The following KIF26B variants were observed in gnomAD, a reference collection of about 807,000 sequenced individuals.
KIF26B encodes the protein kinesin family member 26B.
A neutral mutation model predicts 151.2 loss-of-function variants in KIF26B; 63 were observed. The observed-to-expected ratio is 0.42, with a 90% CI of 0.34 to 0.51. The LOEUF (loss-of-function observed/expected upper bound fraction) is 0.51. Among genes scored for constraint, KIF26B ranks in the 20% least tolerant of loss-of-function variants. The pLI, the probability that KIF26B is intolerant of heterozygous loss-of-function variation, is 0.07. For synonymous variants in KIF26B, 1,357 were observed against 1,262.1 expected (o/e 1.08, Z -1.59); for missense variants, 2,813 against 2,913.6 (o/e 0.97, Z 0.79).
intron 4 of KIF26B, among the ~76,000 whole-genome samples, chr1:245,470,715 C>T (rs1016522944): frequency 6.6e-6 from 1 of 152,174 alleles, no homozygotes; most frequent in Non-Finnish European, 1.5e-5. Context: ...CAGGCGTGAG[C>T]CACCACGCCC....
chr1:245,436,684 C>T (rs1216847508), intron 4 of KIF26B, among the ~76,000 whole-genome samples: 1 of 152,122 alleles, frequency 6.6e-6, no homozygotes, highest in Non-Finnish European at 1.5e-5. Context: ...CTAGTAAATA[C>T]CTTCACAACA....
At chr1:245,585,235 G>A (rs1028512207) in intron 5 of KIF26B, among the ~76,000 whole-genome samples, 4 of 152,284 alleles carry the variant, frequency 2.6e-5, no homozygotes, top group Middle Eastern at 3.4e-3. Flanking sequence ...ACTATGCACC[G>A]TTCTTGGTAA....
intron 4 of KIF26B, among the ~76,000 whole-genome samples, chr1:245,475,479 A>G (rs1029731096): frequency 3.3e-5 from 5 of 151,786 alleles, no homozygotes; most frequent in African/African-American, 1.2e-4. Context: ...GGCGGGAAAA[A>G]AAATCATTGC....
intron 2 of KIF26B, among the ~76,000 whole-genome samples, chr1:245,361,445 G>A (rs981366916): frequency 2.6e-5 from 4 of 152,218 alleles, no homozygotes; most frequent in Admixed American, 2.0e-4. Context: ...ATGTCTTCAC[G>A]CCTTTACATT....
In KIF26B at chr1:245,218,745, G is replaced by A. The variant is rs896956533; in HGVS notation, c.465+62062G>A. ...AAATATACATGGTACCTTGCCGTAG[G>A]GGGGCTTTATGTTTCTAAATCTATG... On this transcript the variant is annotated intron_variant, in intron 2 of 14. Coordinates refer to ENST00000407071, the MANE Select transcript of KIF26B (RefSeq NM_018012.4). The surrounding 1 kb of genome is among the most constrained non-coding windows in gnomAD (Gnocchi z 4.1). 6.6e-6 allele frequency among the ~76,000 whole-genome samples: 1 copy of A among 152,144 alleles called. No individual in the cohort carries two copies. Among genetic ancestry groups the A allele is most frequent in the Non-Finnish European group, 1.5e-5 (1 of 68,040 alleles).
Position 245,244,754 on chromosome 1 carries a change from ACT to A in KIF26B, c.465+88073_465+88074del, listed in dbSNP as rs1357007550. 9.8e-6 allele frequency among the ~76,000 whole-genome samples: 1 copy of A among 102,512 alleles called. No homozygotes were observed. The highest frequency in any genetic ancestry group is 1.8e-5 in the Non-Finnish European group (1 of 54,290). 67.3% of individuals were successfully genotyped at this position (102,512 alleles called of 152,430 possible). A position where few individuals can be genotyped will look rare whatever the true frequency, so the allele number is the denominator to read the frequency against. On this transcript the variant is annotated intron_variant, in intron 2 of 14. Transcript: ENST00000407071. This position sits in a 1 kb window ranked among gnomAD's most constrained non-coding sequence, Gnocchi z 4.2. Reference sequence around the variant, plus strand: ...TGAGAAGGAACACACAGACACGCACACTCACACACACACACACACACACACAC... The same window carrying A: ...TGAGAAGGAACACACAGACACGCACACACACACACACACACACACACACAC...
intron 5 of KIF26B, among the ~76,000 whole-genome samples, chr1:245,559,100 A>T (rs1225518941): frequency 2.0e-5 from 3 of 152,214 alleles, no homozygotes; most frequent in Non-Finnish European, 4.4e-5. Flanking sequence ...TAATCCCAGC[A>T]CTTTAGGAGG....
chr1:245,593,266 C>T (rs570174514), intron 5 of KIF26B, among the ~76,000 whole-genome samples: 2 of 152,128 alleles, frequency 1.3e-5, no homozygotes, highest in South Asian at 4.1e-4. Flanking sequence ...TGGTTTGCTG[C>T]ACCCATCAAC....
intron 2 of KIF26B, among the ~76,000 whole-genome samples, chr1:245,279,873 T>G (rs1199024172): frequency 6.6e-6 from 1 of 152,176 alleles, no homozygotes; most frequent in Non-Finnish European, 1.5e-5. Flanking sequence ...TGCTTCATTT[T>G]TTTTAGCTTG....
chr1:245,690,229 TG>T (rs2044606791), intron 12 of KIF26B, among the ~76,000 whole-genome samples: 1 of 152,224 alleles, frequency 6.6e-6, no homozygotes, highest in African/African-American at 2.4e-5. Flanking sequence ...TGCAATTCTG[TG>T]GCTTGGTTGA....
intron 2 of KIF26B, among the ~76,000 whole-genome samples, chr1:245,336,509 A>C (rs1356668515): frequency 2.0e-5 from 3 of 152,196 alleles, no homozygotes; most frequent in Non-Finnish European, 2.9e-5. Context: ...GCCTTTCTTC[A>C]CGCACGTGGA....
At chr1:245,159,161 T>C (rs970149416) in intron 2 of KIF26B, among the ~76,000 whole-genome samples, 1 of 152,184 alleles carries the variant, frequency 6.6e-6, no homozygotes, top group Non-Finnish European at 1.5e-5. Flanking sequence ...GTCTGGAAGA[T>C]AAAGACATGT....
At chr1:245,381,916 T>A (rs1198912428) in intron 3 of KIF26B, among the ~76,000 whole-genome samples, 5 of 152,210 alleles carry the variant, frequency 3.3e-5, no homozygotes, top group Non-Finnish European at 1.5e-5. Context: ...TCCTTCCTTT[T>A]AAGGGCTGAG....
intron 2 of KIF26B, among the ~76,000 whole-genome samples, chr1:245,331,275 T>C (rs575811876): frequency 1.3e-5 from 2 of 151,950 alleles, no homozygotes; most frequent in East Asian, 3.9e-4. Context: ...TGCCAAGTTG[T>C]GGGGGTGCTG....
At chr1:245,648,546 G>T (rs976651934) in intron 10 of KIF26B, among the ~76,000 whole-genome samples, 2 of 151,816 alleles carry the variant, frequency 1.3e-5, no homozygotes, top group Non-Finnish European at 2.9e-5. Context: ...GAGGTGGAAG[G>T]GTGGCTTGAG....
intron 4 of KIF26B, among the ~76,000 whole-genome samples, chr1:245,445,557 ATTG>A (rs1659231802): frequency 6.6e-6 from 1 of 152,208 alleles, no homozygotes; most frequent in Non-Finnish European, 1.5e-5. Flanking sequence ...TGGATTGGCA[ATTG>A]TTGAAGCTGA....
At chr1:245,571,174 A>C (rs2043063259) in intron 5 of KIF26B, among the ~76,000 whole-genome samples, 1 of 152,152 alleles carries the variant, frequency 6.6e-6, no homozygotes, top group Non-Finnish European at 1.5e-5. Context: ...CCTAGTAAGT[A>C]CCCCTTGTGT....
intron 2 of KIF26B, chr1:245,234,340 G>A (rs1354786838): frequency 2.0e-5 from 3 of 152,292 alleles, no homozygotes; most frequent in Non-Finnish European, 4.4e-5. Flanking sequence ...CGGGCTGGGT[G>A]GTACCCACAC....
chr1:245,432,026 C>T (rs958341669), intron 4 of KIF26B, among the ~76,000 whole-genome samples: 2 of 151,888 alleles, frequency 1.3e-5, no homozygotes, highest in African/African-American at 4.8e-5. Flanking sequence ...TTGGCTTAAC[C>T]AGACCTTCCT....
Sources: allele counts gnomAD v4.1 joint callset (sites outside exome capture counted in the v4.1 genomes callset), GRCh38; gene constraint gnomAD v4.1.1; non-coding constraint Gnocchi (gnomAD v3.1); transcripts MANE v1.5; gene names NCBI Gene and HGNC (gene_info 2026-07-23, HGNC 2026-07-21).